PRPF3: variants seen among roughly 807,000 people sequenced by gnomAD.
PRPF3 encodes pre-mRNA processing factor 3.
PRPF3 carries 3 observed loss-of-function variants against 89.2 expected under a neutral mutation model. That is an observed-to-expected ratio of 0.03 (90% CI 0.02 to 0.09). The LOEUF (loss-of-function observed/expected upper bound fraction) is 0.09. Among genes scored for constraint, PRPF3 ranks in the 10% least tolerant of loss-of-function variants. PRPF3 has a pLI of 1.00. For synonymous variants in PRPF3, 270 were observed against 289.1 expected (o/e 0.93, Z 0.67); for missense variants, 463 against 828.8 (o/e 0.56, Z 5.42).
At chr1:150,340,947 A>T (rs1178739999) in intron 9 of PRPF3, among the ~76,000 whole-genome samples, 1 of 148,708 alleles carries the variant, frequency 6.7e-6, no homozygotes, top group Non-Finnish European at 1.5e-5. Context: ...CTCTACAAAA[A>T]ATAAAAAATC....
chr1:150,347,963 AC>A lies in PRPF3; in HGVS notation c.1844-1193del, dbSNP rs1244771519. ...TAAATATTTATCACTTTCACACTAT[AC>A]TCAAGGCAAAAAATTGTAAGTCAAG... On this transcript the variant is annotated intron_variant, in intron 14 of 15. Coordinates refer to ENST00000324862, the MANE Select transcript of PRPF3 (RefSeq NM_004698.4). Among the ~76,000 whole-genome samples the A allele has an allele frequency of 2.6e-5, 4 of 152,046 alleles. 1 individual carries two copies. The highest frequency in any genetic ancestry group is 5.9e-5 in the Non-Finnish European group (4 of 68,000).
At position 150,340,485 on chromosome 1, in the gene PRPF3, A is replaced by G. The variant is rs1657571481; in HGVS notation, c.1282+8A>G. The G allele has an allele frequency of 1.9e-6, 3 of 1,575,620 alleles. No homozygotes were observed. Among genetic ancestry groups the G allele is most frequent in the East Asian group, 2.2e-5 (1 of 44,684 alleles). Reference sequence around the variant, plus strand: ...CCCAGCTCAATCCTCCAGGTAATGTATAGATTCCTGAATCAAGTCTCTAGA... The same window carrying G: ...CCCAGCTCAATCCTCCAGGTAATGTGTAGATTCCTGAATCAAGTCTCTAGA... On this transcript the variant is annotated splice_region_variant and intron_variant, in intron 9 of 15. Coordinates refer to ENST00000324862, the MANE Select transcript of PRPF3 (RefSeq NM_004698.4).
chr1:150,338,213 C>T lies in PRPF3; in HGVS notation c.1089C>T (p.Gly363=). ...AEISQAARKT[G]IHTSTRLALI... The stretch of plus-strand genomic sequence containing the variant: ...TTTCACAAGCAGCTCGAAAAACAGG[C>T]ATCCATACTTCGACTAGGCTTGCCC... Residue 363 remains glycine, a synonymous_variant, in exon 8 of 16, where the codon GGC becomes GGT. Coordinates refer to ENST00000324862, the MANE Select transcript of PRPF3 (RefSeq NM_004698.4). 6.2e-7 allele frequency: 1 copy of T among 1,614,078 alleles called. No individual in the cohort carries two copies. Among genetic ancestry groups the T allele is most frequent in the Non-Finnish European group, 8.5e-7 (1 of 1,180,018 alleles).
chr1:150,335,315 G>A lies in PRPF3; in HGVS notation c.1035+74G>A, dbSNP rs2101979278. On this transcript the variant is annotated intron_variant, in intron 7 of 15. Transcript: ENST00000324862. ...GACAAGAAAACATTGTTAAATCTCT[G>A]TGTTCTAGGAAATTAGATAAATAGG... is the stretch of plus-strand genomic sequence containing the variant. The A allele has an allele frequency of 4.0e-6, 6 of 1,516,000 alleles. 1 individual carries two copies. The South Asian group carries it at 6.8e-5, about 17-fold the overall frequency. The allele number at this position is 1,516,000 out of a possible 1,614,324, so 93.9% of individuals were successfully genotyped here.
In PRPF3 at chr1:150,325,053, T is replaced by C. The variant is rs1553863346; in HGVS notation, c.111T>C (p.Cys37=). 6.2e-7 allele frequency: 1 copy of C among 1,613,646 alleles called. No individual in the cohort carries two copies. Among genetic ancestry groups the C allele is most frequent in the South Asian group, 1.1e-5 (1 of 91,078 alleles). The change falls in exon 2 of 16, where the codon TGT becomes TGC. Residue 37 remains cysteine (C), a synonymous_variant. Transcript: ENST00000324862. ...EPTVVTAALN[C]VGKGMDKKKA... Reference sequence around the variant, plus strand: ...CGGTGGTCACAGCAGCATTGAACTGTGTGGGGAAGGGCATGGACAAGAAGA... The same window carrying C: ...CGGTGGTCACAGCAGCATTGAACTGCGTGGGGAAGGGCATGGACAAGAAGA...
At chr1:150,330,953 G>A (rs1011802782) in intron 4 of PRPF3, among the ~76,000 whole-genome samples, 10 of 151,798 alleles carry the variant, frequency 6.6e-5, no homozygotes, top group African/African-American at 1.9e-4. Context: ...TCCTGACCTC[G>A]TGATCCGCCC....
chr1:150,334,797 G>A (rs782241249), intron 6 of PRPF3, 138 bp from the exon 7 acceptor site: 25 of 1,007,710 alleles, frequency 2.5e-5, no homozygotes, highest in Non-Finnish European at 3.7e-5. Flanking sequence ...TTTAACTCCT[G>A]GGCTCAAGTG....
intron 13 of PRPF3, 118 bp from the exon 14 acceptor site, chr1:150,346,290 G>A: frequency 8.1e-7 from 1 of 1,241,326 alleles, no homozygotes; most frequent in South Asian, 1.2e-5. Flanking sequence ...GGAGTAGAAG[G>A]CCCTAAGATG....
At chr1:150,351,067 C>T (rs1658880770) in intron 15 of PRPF3, among the ~76,000 whole-genome samples, 1 of 152,080 alleles carries the variant, frequency 6.6e-6, no homozygotes, top group South Asian at 2.1e-4. Context: ...GAATTCGAGA[C>T]TAACCTGGCC....
chr1:150,344,155 A>G lies in PRPF3; in HGVS notation c.1427-7A>G. 1 of 1,612,036 alleles carries G rather than the reference A, an allele frequency of 6.2e-7. No homozygotes were observed. Among genetic ancestry groups the G allele is most frequent in the Non-Finnish European group, 8.5e-7 (1 of 1,178,902 alleles). On this transcript the variant is annotated splice_region_variant and splice_polypyrimidine_tract_variant and intron_variant, in intron 10 of 15. Coordinates refer to ENST00000324862, the MANE Select transcript of PRPF3 (RefSeq NM_004698.4). ...AAAGACTGATTGTTGTCCTCTCTTCACTGCAGTGAGAATTTCTAATTTGAT... is the reference window on the plus strand; with the variant it reads ...AAAGACTGATTGTTGTCCTCTCTTCGCTGCAGTGAGAATTTCTAATTTGAT...
chr1:150,353,047 C>T lies in PRPF3; in HGVS notation c.*68C>T. ...TTCAGTCCTCTCACTTATTCTATTT[C>T]CCAACCCCCTCCCACTTGTTTGTGT... On this transcript the variant is annotated 3_prime_UTR_variant, in exon 16 of 16. Coordinates refer to ENST00000324862, the MANE Select transcript of PRPF3 (RefSeq NM_004698.4). 6.3e-7 allele frequency: 1 copy of T among 1,592,202 alleles called. No individual in the cohort carries two copies. The highest frequency in any genetic ancestry group is 8.6e-7 in the Non-Finnish European group (1 of 1,161,256).
At chr1:150,329,347 A>G (rs1476559925) in intron 4 of PRPF3, among the ~76,000 whole-genome samples, 1 of 152,010 alleles carries the variant, frequency 6.6e-6, no homozygotes, top group Non-Finnish European at 1.5e-5. Flanking sequence ...GGAAAATTTT[A>G]TTTCCTGCTT....
At chr1:150,350,362 T>G (rs1348788109) in intron 15 of PRPF3, among the ~76,000 whole-genome samples, 12 of 152,034 alleles carry the variant, frequency 7.9e-5, no homozygotes, top group Admixed American at 7.2e-4. Context: ...CCACCACGCC[T>G]GGCTAATTTT....
intron 14 of PRPF3, among the ~76,000 whole-genome samples, chr1:150,346,998 G>C (rs974172339): frequency 6.6e-6 from 1 of 152,088 alleles, no homozygotes. Flanking sequence ...AGCTGAGGTG[G>C]GAGGATCACT....
intron 3 of PRPF3, chr1:150,328,081 C>T: frequency 1.9e-6 from 1 of 513,278 alleles, no homozygotes; most frequent in Non-Finnish European, 3.5e-6. Flanking sequence ...TTGCAAAGAC[C>T]TTGAGATGGG....
At chr1:150,323,440 T>A (rs587703058) in intron 1 of PRPF3, among the ~76,000 whole-genome samples, 47 of 151,886 alleles carry the variant, frequency 3.1e-4, no homozygotes, top group African/African-American at 1.0e-3. Context: ...GGTAAGGCAT[T>A]ACCTGGCCGA....
chr1:150,321,800 C>G (rs1355654025), intron 1 of PRPF3, among the ~76,000 whole-genome samples: 1 of 151,518 alleles, frequency 6.6e-6, no homozygotes, highest in Non-Finnish European at 1.5e-5. Flanking sequence ...GAGACCAGCT[C>G]TGGGGTGAGG....
At chr1:150,323,253 C>T (rs184090740) in intron 1 of PRPF3, among the ~76,000 whole-genome samples, 170 of 133,388 alleles carry the variant, frequency 1.3e-3, no homozygotes, top group Admixed American at 3.5e-3. Flanking sequence ...TTTGGCTCAC[C>T]GCAACCTCCG....
Position 150,338,384 on chromosome 1 carries a change from C to T in PRPF3, c.1202+58C>T, listed in dbSNP as rs1572240515. ...AGTTTTTAATCAGCTGAGTTTAAGA[C>T]TCAAGTTAATACCTTTTAGTAAAGC... On this transcript the variant is annotated intron_variant, in intron 8 of 15. Coordinates refer to ENST00000324862, the MANE Select transcript of PRPF3 (RefSeq NM_004698.4). The T allele has an allele frequency of 5.3e-6, 8 of 1,522,902 alleles. No homozygotes were observed. In the East Asian group the frequency reaches 1.4e-4, roughly 26 times the overall value. 94.3% of individuals were successfully genotyped at this position (1,522,902 alleles called of 1,614,324 possible). A position where few individuals can be genotyped will look rare whatever the true frequency, so the allele number is the denominator to read the frequency against.
Sources: allele counts gnomAD v4.1 joint callset (sites outside exome capture counted in the v4.1 genomes callset), GRCh38; gene constraint gnomAD v4.1.1; transcripts MANE v1.5; gene names NCBI Gene and HGNC (gene_info 2026-07-23, HGNC 2026-07-21).